LGALS3: variants seen among roughly 807,000 people sequenced by gnomAD.
The protein encoded by LGALS3 is galectin 3.
In LGALS3, 18 loss-of-function variants were observed where a neutral mutation model predicts 20.7. The ratio of observed to expected loss-of-function variants is 0.87; its 90% confidence interval spans 0.60 to 1.29. The LOEUF is 1.29. Ranked by LOEUF, LGALS3 falls within the 50% of genes most tolerant of loss-of-function variation. LGALS3 has a pLI of 0.00. For synonymous variants in LGALS3, 112 were observed against 119.6 expected, an observed-to-expected ratio of 0.94 and a Z score of 0.42; for missense variants, 315 against 314.7, an observed-to-expected ratio of 1.00 and a Z score of -0.01.
chr14:55,142,996 C>A (rs1207461459), intron 5 of LGALS3, among the ~76,000 whole-genome samples: 1 of 152,036 alleles, frequency 6.6e-6, no homozygotes, highest in Non-Finnish European at 1.5e-5. Context: ...TTAAGCCTTT[C>A]TAGAAATGAA....
In LGALS3 at chr14:55,135,572, T is replaced by G. The variant is rs868679953; in HGVS notation, c.-4-1798T>G. Among the ~76,000 whole-genome samples the G allele has an allele frequency of 1.5e-3, 210 of 138,126 alleles. 1 individual carries two copies. The highest frequency in any genetic ancestry group is 5.7e-3 in the African/African-American group (185 of 32,548). 90.6% of individuals were successfully genotyped at this position (138,126 alleles called of 152,430 possible). ...GTAATATTTTATGGTTTTTTTTTTT[T>G]TTTTTTTTTTTTGAGATGAGGTCGC... On this transcript the variant is annotated intron_variant, in intron 1 of 5. Coordinates refer to ENST00000254301, the MANE Select transcript of LGALS3 (RefSeq NM_002306.4).
intron 3 of LGALS3, 118 bp downstream of exon 3, chr14:55,138,486 T>C (rs1393468617): frequency 2.8e-6 from 3 of 1,069,264 alleles, no homozygotes; most frequent in African/African-American, 3.1e-5. Context: ...TGTATGTTGG[T>C]AGAGTCAAAA....
At chr14:55,142,806 C>A in intron 5 of LGALS3, 57 bp downstream of exon 5, 1 of 1,412,998 alleles carries the variant, frequency 7.1e-7, no homozygotes, top group Non-Finnish European at 9.9e-7. Flanking sequence ...AGGAATCACT[C>A]TAAAACCCCA....
At chr14:55,134,514 G>A (rs1027687597) in intron 1 of LGALS3, among the ~76,000 whole-genome samples, 2 of 152,120 alleles carry the variant, frequency 1.3e-5, no homozygotes, top group Non-Finnish European at 2.9e-5. Context: ...AGATTGTTTC[G>A]TATGGCATCC....
Position 55,137,184 on chromosome 14 carries a change from G to A in LGALS3, c.-4-186G>A, listed in dbSNP as rs149471573. On this transcript the variant is annotated intron_variant, in intron 1 of 5. Coordinates refer to ENST00000254301, the MANE Select transcript of LGALS3 (RefSeq NM_002306.4). Reference sequence around the variant, plus strand: ...AAGTTTAAACTTGTGAGTTAAATAGGGTTTGGCAATCTAGCTGGATAGCAT... The same window carrying A: ...AAGTTTAAACTTGTGAGTTAAATAGAGTTTGGCAATCTAGCTGGATAGCAT... 4 of 671,560 alleles carry A rather than the reference G, an allele frequency of 6.0e-6. No individual in the cohort carries two copies. In the East Asian group the frequency reaches 7.9e-5, roughly 13 times the overall value. The allele number at this position is 671,560 out of a possible 1,614,324, so 41.6% of individuals were successfully genotyped here.
rs1425616899 is a variant in LGALS3 at position 55,145,376 on chromosome 14, T to C, written c.*105T>C. 2.6e-6 allele frequency: 4 copies of C among 1,551,500 alleles called. No homozygotes were observed. The highest frequency in any genetic ancestry group is 1.8e-5 in the Admixed American group (1 of 54,602). ...ATTTTTACATTCATCAATATCCCTC[T>C]TGTAAGTCATCTACTTAATAAATAT... is the stretch of plus-strand genomic sequence containing the variant. On this transcript the variant is annotated 3_prime_UTR_variant, in exon 6 of 6. Coordinates refer to ENST00000254301, the MANE Select transcript of LGALS3 (RefSeq NM_002306.4).
intron 4 of LGALS3, among the ~76,000 whole-genome samples, chr14:55,141,835 G>A (rs1181076478): frequency 1.3e-5 from 2 of 152,244 alleles, no homozygotes; most frequent in Non-Finnish European, 1.5e-5. Flanking sequence ...CTAGAGTGCA[G>A]ATTAAAATAC....
intron 3 of LGALS3, among the ~76,000 whole-genome samples, chr14:55,138,884 A>T (rs573076658): frequency 1.3e-5 from 2 of 152,350 alleles, no homozygotes; most frequent in African/African-American, 4.8e-5. Flanking sequence ...AAAATATGTC[A>T]TAGCAAGTGA....
At chr14:55,131,234 AC>A (rs140323747) in intron 1 of LGALS3, among the ~76,000 whole-genome samples, 1,600 of 152,206 alleles carry the variant, frequency 0.011, 31 homozygotes, top group African/African-American at 0.037. Flanking sequence ...TGATGGATTG[AC>A]CCCGAAAACT....
rs762172869 is a variant in LGALS3 at position 55,135,560 on chromosome 14, GTTTTTTTTTT to G, written c.-4-1795_-4-1786del. Among the ~76,000 whole-genome samples the G allele has an allele frequency of 3.2e-4, 34 of 106,566 alleles. No homozygotes were observed. In the East Asian group the frequency reaches 3.7e-3, roughly 12 times the overall value. 69.9% of individuals were successfully genotyped at this position (106,566 alleles called of 152,430 possible). A position where few individuals can be genotyped will look rare whatever the true frequency, so the allele number is the denominator to read the frequency against. Reference sequence around the variant, plus strand: ...ACCAAAAATAAGGTAATATTTTATGGTTTTTTTTTTTTTTTTTTTTTTTTGAGATGAGGTC... The same window carrying G: ...ACCAAAAATAAGGTAATATTTTATGGTTTTTTTTTTTTTTGAGATGAGGTC... On this transcript the variant is annotated intron_variant, in intron 1 of 5. Coordinates refer to ENST00000254301, the MANE Select transcript of LGALS3 (RefSeq NM_002306.4).
chr14:55,142,441 CTGATT>C lies in LGALS3; in HGVS notation c.432-141_432-137del, dbSNP rs143968645. On this transcript the variant is annotated intron_variant, in intron 4 of 5. Transcript: ENST00000254301. Reference sequence around the variant, plus strand: ...GGATATTTTCCAGTTTGAACCCATTCTGATTTATTTGCTTTCCATTCAGAAAAATT... The same window carrying C: ...GGATATTTTCCAGTTTGAACCCATTCTATTTGCTTTCCATTCAGAAAAATT... The C allele has an allele frequency of 1.9e-3, 1,099 of 576,028 alleles. 11 individuals are homozygous for C. Among genetic ancestry groups the C allele is most frequent in the African/African-American group, 0.018 (961 of 53,852 alleles). The allele number at this position is 576,028 out of a possible 1,614,324, so 35.7% of individuals were successfully genotyped here.
chr14:55,138,297 T>C lies in LGALS3; in HGVS notation c.271T>C (p.Ser91Pro). The C allele has an allele frequency of 6.2e-7, 1 of 1,612,632 alleles. No homozygotes were observed. Among genetic ancestry groups the C allele is most frequent in the African/African-American group, 1.3e-5 (1 of 75,006 alleles). The change falls in exon 3 of 6, where the codon TCT becomes CCT. Residue 91 changes from serine (S) to proline (P), a missense_variant. Physicochemically the swap from Ser to Pro is moderately conservative, Grantham distance 74 (BLOSUM62 -1). Coordinates refer to ENST00000254301, the MANE Select transcript of LGALS3 (RefSeq NM_002306.4). The stretch of plus-strand genomic sequence containing the variant: ...ACCCAGCGGCCCTGGGGCCTACCCA[T>C]CTTCTGGACAGCCAAGTGCCACCGG... ...GPPSGPGAYP[S>P]SGQPSATGAY...
chr14:55,136,425 A>G (rs1363486351), intron 1 of LGALS3, among the ~76,000 whole-genome samples: 5 of 152,166 alleles, frequency 3.3e-5, no homozygotes, highest in African/African-American at 1.2e-4. Flanking sequence ...TACAGCACAC[A>G]TTCTGACTCA....
At chr14:55,139,038 C>T (rs1344564029) in intron 3 of LGALS3, among the ~76,000 whole-genome samples, 4 of 152,060 alleles carry the variant, frequency 2.6e-5, no homozygotes, top group Admixed American at 2.0e-4. Flanking sequence ...TGGGATTAGA[C>T]CATTTCAGGA....
intron 2 of LGALS3, chr14:55,137,628 C>T: frequency 6.9e-7 from 1 of 1,439,250 alleles, no homozygotes; most frequent in African/African-American, 1.4e-5. Flanking sequence ...CACCAAAAGG[C>T]CCAGGGCGGA....
chr14:55,137,907 G>C, intron 2 of LGALS3, 138 bp from the exon 3 acceptor site: 1 of 1,332,674 alleles, frequency 7.5e-7, no homozygotes, highest in Non-Finnish European at 9.6e-7. Flanking sequence ...CTATTAATAA[G>C]TGGAAAAAGT....
At chr14:55,144,544 T>C (rs1594656128) in intron 5 of LGALS3, among the ~76,000 whole-genome samples, 1 of 152,136 alleles carries the variant, frequency 6.6e-6, no homozygotes, top group Non-Finnish European at 1.5e-5. Flanking sequence ...AAAACCTGAA[T>C]AACTTGGAAT....
At chr14:55,137,216 C>T in intron 1 of LGALS3, 154 bp from the exon 2 acceptor site, 1 of 780,214 alleles carries the variant, frequency 1.3e-6, no homozygotes. Context: ...GCATCCCTGC[C>T]CCTTGAAGAG....
intron 3 of LGALS3, among the ~76,000 whole-genome samples, chr14:55,138,825 C>T (rs766801965): frequency 6.6e-6 from 1 of 152,116 alleles, no homozygotes; most frequent in African/African-American, 2.4e-5. Context: ...TTTTGAAAAA[C>T]CTTCTAAAGA....
Sources: gnomAD v4.1 joint callset for allele counts (sites outside exome capture counted in the v4.1 genomes callset) on GRCh38, gnomAD v4.1.1 for gene constraint, MANE v1.5 for transcripts, NCBI Gene and HGNC (gene_info 2026-07-23, HGNC 2026-07-21) for gene names.